The following SPTAN1 variants were observed in gnomAD, a reference collection of about 807,000 sequenced individuals.
SPTAN1 encodes the protein spectrin alpha, non-erythrocytic 1.
In SPTAN1, 61 loss-of-function variants were observed where a neutral mutation model predicts 331.3. The ratio of observed to expected loss-of-function variants is 0.18; its 90% CI spans 0.15 to 0.23. The LOEUF is 0.23. Ranked by LOEUF, SPTAN1 falls within the 10% of genes least tolerant of loss-of-function variation. The probability of loss-of-function intolerance (pLI) is 1.00; values close to 1 mark genes in which losing one functional copy is unlikely to be tolerated. For synonymous variants in SPTAN1, 1,153 were observed against 1,173.9 expected (o/e 0.98, Z 0.36); for missense variants, 2,043 against 3,147.9 (o/e 0.65, Z 8.40).
chr9:128,607,929 C>T lies in SPTAN1; in HGVS notation c.4224C>T (p.His1408=), dbSNP rs200180598. The T allele has an allele frequency of 1.2e-4, 190 of 1,613,932 alleles. No homozygotes were observed. Among genetic ancestry groups the T allele is most frequent in the Non-Finnish European group, 1.5e-4 (178 of 1,180,026 alleles). ...FEQFGQQLLA[H]GHYASPEIKQ... is the part of the protein sequence containing the mutation. ...AGTTTGGACAGCAGCTGTTGGCTCA[C>T]GGACACTATGCCAGCCCTGAGATCA... The change falls in exon 33 of 57, where the codon CAC becomes CAT. Residue 1408 remains histidine, a synonymous_variant. Coordinates refer to ENST00000372739, the MANE Select transcript of SPTAN1 (RefSeq NM_001130438.3).
chr9:128,599,694 A>AG (rs1418420533), intron 26 of SPTAN1: 1 of 210,046 alleles, frequency 4.8e-6, no homozygotes, highest in Non-Finnish European at 9.6e-6. Flanking sequence ...CTAAAAAAAA[A>AG]AAAAAAAAAA....
intron 3 of SPTAN1, among the ~76,000 whole-genome samples, chr9:128,569,457 G>A (rs571634122): frequency 6.6e-6 from 1 of 151,716 alleles, no homozygotes; most frequent in Non-Finnish European, 1.5e-5. Flanking sequence ...GCTGATTTTA[G>A]TGCGAGTTTA....
intron 16 of SPTAN1, 43 bp from the exon 17 acceptor site, chr9:128,584,239 C>T (rs1852291091): frequency 1.2e-6 from 2 of 1,613,638 alleles, no homozygotes; most frequent in Non-Finnish European, 1.7e-6. Flanking sequence ...TACGATAAAA[C>T]CACACCCAAA....
At chr9:128,598,092 G>A (rs541564632) in intron 24 of SPTAN1, among the ~76,000 whole-genome samples, 5 of 152,336 alleles carry the variant, frequency 3.3e-5, no homozygotes, top group African/African-American at 1.2e-4. Flanking sequence ...GGGATTACAG[G>A]CATGGACCCC....
Position 128,629,229 on chromosome 9 carries a change from C to G in SPTAN1, c.6708-1092C>G, listed in dbSNP as rs1035331871. On this transcript the variant is annotated intron_variant, in intron 51 of 56. Transcript: ENST00000372739. This position sits in a 1 kb window ranked among gnomAD's most constrained non-coding sequence, Gnocchi z 4.9. ...CTCTTCTTACCTCACTGTGGCTTTA[C>G]TGATGCACTCTTGACATCCCCAGGC... 2.5e-6 allele frequency: 1 copy of G among 398,588 alleles called. No individual in the cohort carries two copies. Among genetic ancestry groups the G allele is most frequent in the Non-Finnish European group, 4.4e-6 (1 of 226,084 alleles). The allele number at this position is 398,588 out of a possible 1,614,324, so 24.7% of individuals were successfully genotyped here.
rs575579565 is a variant in SPTAN1 at position 128,624,970 on chromosome 9, G to T, written c.5993-133G>T. 3.4e-4 allele frequency: 289 copies of T among 857,852 alleles called. 2 individuals carry two copies. In the South Asian group the frequency reaches 3.9e-3, roughly 12 times the overall value. 53.1% of individuals were successfully genotyped at this position (857,852 alleles called of 1,614,324 possible). On this transcript the variant is annotated intron_variant, in intron 46 of 56. Transcript: ENST00000372739. ...TGCAGGGAGGGGCCTGCTAATGTGG[G>T]TTCTGAGGCTGTAGTTAGGAAGATT...
In SPTAN1 at chr9:128,570,432, G is replaced by A. The variant is rs187876904; in HGVS notation, c.363+1535G>A. ...AGCTCACTGCAACCTCCACCTCCTG[G>A]GTTCAAGCAATTCTCCTGCCTCAGC... is the stretch of plus-strand genomic sequence containing the variant. On this transcript the variant is annotated intron_variant, in intron 3 of 56. Coordinates refer to ENST00000372739, the MANE Select transcript of SPTAN1 (RefSeq NM_001130438.3). Among the ~76,000 whole-genome samples the A allele has an allele frequency of 5.9e-3, 881 of 148,674 alleles. 7 individuals carry two copies. Among genetic ancestry groups the A allele is most frequent in the African/African-American group, 0.02 (818 of 40,158 alleles).
At position 128,633,335 on chromosome 9, in the gene SPTAN1, G is replaced by A; in HGVS notation, c.*1G>A. 1.9e-6 allele frequency: 3 copies of A among 1,613,766 alleles called. No individual in the cohort carries two copies. The highest frequency in any genetic ancestry group is 1.7e-5 in the Admixed American group (1 of 60,012). ...CACCCGCTCGCTTTTCGTGAACTGA[G>A]CCACTCCCTGGGTCACCCACCCCTC... On this transcript the variant is annotated 3_prime_UTR_variant, in exon 57 of 57. Transcript: ENST00000372739.
chr9:128,563,379 C>T (rs1017227968), intron 1 of SPTAN1, among the ~76,000 whole-genome samples: 1 of 151,958 alleles, frequency 6.6e-6, no homozygotes, highest in African/African-American at 2.4e-5. Context: ...CGTATCACTG[C>T]ACTCTAGCCT....
chr9:128,574,883 T>C, intron 4 of SPTAN1, 68 bp downstream of exon 4: 2 of 1,607,826 alleles, frequency 1.2e-6, no homozygotes, highest in South Asian at 2.2e-5. Flanking sequence ...CTCTGTGATC[T>C]GTAGTGAGAC....
At chr9:128,633,074 A>AAACTC in intron 56 of SPTAN1, 119 bp downstream of exon 56, 1 of 1,592,980 alleles carries the variant, frequency 6.3e-7, no homozygotes, top group Non-Finnish European at 8.6e-7. Context: ...TTTACAAATC[A>AAACTC]AACTCAGTAT....
intron 19 of SPTAN1, among the ~76,000 whole-genome samples, chr9:128,586,221 C>G (rs1014900612): frequency 1.4e-5 from 2 of 142,440 alleles, no homozygotes; most frequent in South Asian, 4.6e-4. Context: ...TGGGCTCAAG[C>G]GATCCTCCTG....
At position 128,557,196 on chromosome 9, in the gene SPTAN1, G is replaced by C. The variant is rs188719496; in HGVS notation, c.-4+4500G>C. On this transcript the variant is annotated intron_variant, in intron 1 of 56. Transcript: ENST00000372739. ...CTAAAAATCCCTTTCTTGCAAAACT[G>C]TATGTCTAGTGGTGTCCTGCCTGAG... Among the ~76,000 whole-genome samples the C allele has an allele frequency of 2.8e-4, 43 of 152,296 alleles. No individual in the cohort carries two copies. In the East Asian group the frequency reaches 7.9e-3, roughly 28 times the overall value.
chr9:128,585,733 C>T lies in SPTAN1; in HGVS notation c.2561-15C>T, dbSNP rs757036070. On this transcript the variant is annotated splice_polypyrimidine_tract_variant and intron_variant, in intron 18 of 56. Coordinates refer to ENST00000372739, the MANE Select transcript of SPTAN1 (RefSeq NM_001130438.3). ...ACGTAGTTTTTGTTATCCTCTTTCC[C>T]TACCCATCTTCCAGGCCATTTTGCT... is the stretch of plus-strand genomic sequence containing the variant. 6.2e-7 allele frequency: 1 copy of T among 1,610,992 alleles called. No individual in the cohort carries two copies. Among genetic ancestry groups the T allele is most frequent in the South Asian group, 1.1e-5 (1 of 90,984 alleles).
chr9:128,594,494 G>T, intron 24 of SPTAN1, 121 bp downstream of exon 24: 1 of 973,988 alleles, frequency 1.0e-6, no homozygotes, highest in South Asian at 1.5e-5. Flanking sequence ...GCAGTGGTAT[G>T]ACTTCGGCTC....
In SPTAN1 at chr9:128,612,311, A is replaced by G. The variant is rs1291553984; in HGVS notation, c.5043+65A>G. ...TCTAGTCATTTGGCACAGTGGGTCC[A>G]TCAGTGCCCAAAACCACGAAAAGGC... On this transcript the variant is annotated intron_variant, in intron 39 of 56. Coordinates refer to ENST00000372739, the MANE Select transcript of SPTAN1 (RefSeq NM_001130438.3). 1.1e-5 allele frequency: 18 copies of G among 1,606,366 alleles called. No individual in the cohort carries two copies. The Admixed American group carries it at 3.0e-4, about 27-fold the overall frequency.
intron 1 of SPTAN1, among the ~76,000 whole-genome samples, chr9:128,557,589 C>A (rs1024567691): frequency 2.7e-5 from 4 of 150,856 alleles, no homozygotes; most frequent in Non-Finnish European, 2.9e-5. Flanking sequence ...CCCCAAATAC[C>A]CCCAAATTTT....
intron 37 of SPTAN1, among the ~76,000 whole-genome samples, chr9:128,610,520 A>G (rs753483573): frequency 3.3e-5 from 5 of 151,728 alleles, no homozygotes; most frequent in East Asian, 1.9e-4. Flanking sequence ...GAAATGAAAC[A>G]TTTGATGCAG....
intron 8 of SPTAN1, 70 bp from the exon 9 acceptor site, chr9:128,578,040 C>A: frequency 1.3e-6 from 2 of 1,553,932 alleles, no homozygotes; most frequent in Admixed American, 1.7e-5. Context: ...GAATTCAGAG[C>A]TTTAGGGAGG....
Sources: allele counts gnomAD v4.1 joint callset (sites outside exome capture counted in the v4.1 genomes callset), GRCh38; gene constraint gnomAD v4.1.1; non-coding constraint Gnocchi (gnomAD v3.1); transcripts MANE v1.5; gene names NCBI Gene and HGNC (gene_info 2026-07-23, HGNC 2026-07-21).